Variants in DPY19L3 observed in about 807,000 individuals in gnomAD.
The protein encoded by DPY19L3 is dpy-19 like C-mannosyltransferase 3, also known as protein C-mannosyl-transferase DPY19L3.
In DPY19L3, 51 loss-of-function variants were observed where a neutral mutation model predicts 92.3. That is an observed-to-expected ratio of 0.55 (90% CI 0.44 to 0.70). The LOEUF (loss-of-function observed/expected upper bound fraction) is 0.70, where lower values mean the gene tolerates loss of function less well. DPY19L3 is among the 30% of genes least tolerant of loss of function. The pLI, the probability that DPY19L3 is intolerant of heterozygous loss-of-function variation, is 0.00. For missense variants in DPY19L3, 706 were observed against 855.9 expected, an observed-to-expected ratio of 0.82 and a Z score of 2.18; for synonymous variants, 309 against 315.2, an observed-to-expected ratio of 0.98 and a Z score of 0.21.
intron 3 of DPY19L3, among the ~76,000 whole-genome samples, chr19:32,418,279 A>G (rs1440234360): frequency 1.3e-5 from 2 of 152,194 alleles, no homozygotes; most frequent in Admixed American, 1.3e-4. Context: ...CCTATATCAC[A>G]AGAAGAATCC....
At chr19:32,462,739 G>A (rs2145593789) in intron 12 of DPY19L3, among the ~76,000 whole-genome samples, 1 of 152,294 alleles carries the variant, frequency 6.6e-6, no homozygotes, top group East Asian at 1.9e-4. Context: ...GCAACATGCA[G>A]TTCTTAGATC....
intron 2 of DPY19L3, among the ~76,000 whole-genome samples, chr19:32,409,459 A>G (rs1187876807): frequency 1.3e-5 from 2 of 152,256 alleles, no homozygotes; most frequent in African/African-American, 4.8e-5. Context: ...TAATACAGAC[A>G]GAACTGTGAT....
chr19:32,475,064 T>C (rs1970465702), intron 16 of DPY19L3, among the ~76,000 whole-genome samples: 1 of 152,212 alleles, frequency 6.6e-6, no homozygotes, highest in East Asian at 1.9e-4. Context: ...ATGATTATAG[T>C]CCAGGAGGCA....
chr19:32,455,164 T>G, intron 10 of DPY19L3, 124 bp downstream of exon 10: 1 of 657,496 alleles, frequency 1.5e-6, no homozygotes, highest in Non-Finnish European at 2.4e-6. Context: ...GTCTTGCCGT[T>G]TCCTAGGCTG....
intron 16 of DPY19L3, among the ~76,000 whole-genome samples, chr19:32,470,117 G>A (rs894360517): frequency 2.6e-5 from 4 of 152,192 alleles, no homozygotes; most frequent in Admixed American, 2.0e-4. Context: ...TCCTAATGTC[G>A]GACTGGGTTT....
At chr19:32,469,703 A>G (rs1342628906) in intron 16 of DPY19L3, among the ~76,000 whole-genome samples, 8 of 152,066 alleles carry the variant, frequency 5.3e-5, no homozygotes, top group East Asian at 1.9e-4. Context: ...TTAGTGTCCT[A>G]TTGGCTCTTA....
chr19:32,466,462 C>T (rs533321531), intron 15 of DPY19L3, among the ~76,000 whole-genome samples: 7 of 152,292 alleles, frequency 4.6e-5, no homozygotes, highest in Admixed American at 1.3e-4. Context: ...CCGCTGGGGG[C>T]GGGGGCGGTC....
intron 6 of DPY19L3, 56 bp downstream of exon 6, chr19:32,437,395 C>T: frequency 1.3e-6 from 2 of 1,546,824 alleles, no homozygotes; most frequent in Non-Finnish European, 1.8e-6. Flanking sequence ...AAAATGAAGT[C>T]ACTTCATTTC....
Position 32,439,125 on chromosome 19 carries a change from A to G in DPY19L3, c.610A>G (p.Arg204Gly), listed in dbSNP as rs1340186421. 2 of 1,613,000 alleles carry G rather than the reference A, an allele frequency of 1.2e-6. No individual in the cohort carries two copies. The highest frequency in any genetic ancestry group is 1.7e-6 in the Non-Finnish European group (2 of 1,179,306). ...WYVTNRIDTT[R>G]VEFTIPLREN... ...TCTTTTGTGCAGAATAGATACCACAAGAGTTGAGTTTACCATCCCACTGAG... is the reference window on the plus strand; with the variant it reads ...TCTTTTGTGCAGAATAGATACCACAGGAGTTGAGTTTACCATCCCACTGAG... Residue 204 changes from arginine to glycine, a missense_variant, in exon 7 of 19, where the codon AGA (arginine) becomes GGA (glycine). Transcript: ENST00000392250.
At chr19:32,408,168 G>T in intron 1 of DPY19L3, 49 bp from the exon 2 acceptor site, 2 of 882,662 alleles carry the variant, frequency 2.3e-6, no homozygotes, top group South Asian at 2.9e-5. Context: ...AGCACGGGGT[G>T]TGTTGGGGAG....
Position 32,453,170 on chromosome 19 carries a change from TAAC to T in DPY19L3, c.884_886del (p.Thr295del). 6.2e-7 allele frequency: 1 copy of T among 1,614,132 alleles called. No individual in the cohort carries two copies. The highest frequency in any genetic ancestry group is 8.5e-7 in the Non-Finnish European group (1 of 1,179,986). ...GCGACATGGCTGTATGGAATACAGATAACAAGTTTACTCCTGGTCTGCATTCTT... is the reference window on the plus strand; with the variant it reads ...GCGACATGGCTGTATGGAATACAGATAAGTTTACTCCTGGTCTGCATTCTT... On this transcript the variant is annotated inframe_deletion, in exon 9 of 19. Transcript: ENST00000392250.
chr19:32,418,571 A>C (rs1968455730), intron 3 of DPY19L3, among the ~76,000 whole-genome samples: 1 of 152,192 alleles, frequency 6.6e-6, no homozygotes, highest in Non-Finnish European at 1.5e-5. Flanking sequence ...AATATCACTG[A>C]ACAAAGACCT....
intron 3 of DPY19L3, among the ~76,000 whole-genome samples, chr19:32,426,991 G>GTTGTTTGT (rs1195302737): frequency 6.6e-6 from 1 of 152,008 alleles, no homozygotes; most frequent in Non-Finnish European, 1.5e-5. Context: ...TTGGTGTTTC[G>GTTGTTTGT]TTGTTTGTTT....
intron 3 of DPY19L3, among the ~76,000 whole-genome samples, chr19:32,426,418 C>A (rs1968766628): frequency 6.6e-6 from 1 of 152,200 alleles, no homozygotes; most frequent in Non-Finnish European, 1.5e-5. Flanking sequence ...AACAACTTGG[C>A]TCTTTGGCAC....
chr19:32,472,246 A>G (rs1421470576), intron 16 of DPY19L3, among the ~76,000 whole-genome samples: 3 of 152,192 alleles, frequency 2.0e-5, no homozygotes, highest in Non-Finnish European at 4.4e-5. Flanking sequence ...TATGAAACCA[A>G]CAGTGTTTAG....
In DPY19L3 at chr19:32,408,404, C is replaced by T. The variant is rs761497497; in HGVS notation, c.103+48C>T. 3 of 1,405,420 alleles carry T rather than the reference C, an allele frequency of 2.1e-6. No individual in the cohort carries two copies. The South Asian group carries it at 3.6e-5, about 17-fold the overall frequency. 87.1% of individuals were successfully genotyped at this position (1,405,420 alleles called of 1,614,324 possible). A position where few individuals can be genotyped will look rare whatever the true frequency, so the allele number is the denominator to read the frequency against. On this transcript the variant is annotated intron_variant, in intron 2 of 18. Coordinates refer to ENST00000392250, the MANE Select transcript of DPY19L3 (RefSeq NM_001172774.2). Reference sequence around the variant, plus strand: ...GCAATTTGGGTTGCTTTTATTTCTGCATATTAAAATGTCACTCTCCAATAG... The same window carrying T: ...GCAATTTGGGTTGCTTTTATTTCTGTATATTAAAATGTCACTCTCCAATAG...
intron 12 of DPY19L3, among the ~76,000 whole-genome samples, chr19:32,461,949 T>C (rs974629273): frequency 2.0e-5 from 3 of 152,200 alleles, no homozygotes; most frequent in Non-Finnish European, 4.4e-5. Context: ...TCTGTGGAAA[T>C]ATGTTTCAAG....
chr19:32,480,268 G>A (rs770102161), intron 17 of DPY19L3, 131 bp from the exon 18 acceptor site: 61 of 978,752 alleles, frequency 6.2e-5, no homozygotes, highest in East Asian at 5.1e-4. Flanking sequence ...CGAGTGCAGC[G>A]TGGCCTGGGC....
intron 5 of DPY19L3, among the ~76,000 whole-genome samples, 154 bp from the exon 6 acceptor site, chr19:32,437,040 C>T (rs1011575724): frequency 4.7e-5 from 7 of 148,368 alleles, no homozygotes; most frequent in Non-Finnish European, 7.5e-5. Flanking sequence ...AAAGGCTACC[C>T]GAACGCTTCT....
Sources: allele counts gnomAD v4.1 joint callset (sites outside exome capture counted in the v4.1 genomes callset), GRCh38; gene constraint gnomAD v4.1.1; transcripts MANE v1.5; gene names NCBI Gene and HGNC (gene_info 2026-07-23, HGNC 2026-07-21).